The following TCF12 variants were observed in gnomAD, a reference collection of about 807,000 sequenced individuals.
The protein encoded by TCF12 is DNA-binding protein HTF4.
TCF12 carries 45 observed loss-of-function variants against 86.0 expected under a neutral mutation model. The ratio of observed to expected loss-of-function variants is 0.52; its 90% CI spans 0.41 to 0.67. TCF12 has a LOEUF of 0.67. TCF12 is among the 30% of genes least tolerant of loss of function. TCF12 has a pLI of 0.00. For missense variants in TCF12, 881 were observed against 859.9 expected (o/e 1.02, Z -0.31); for synonymous variants, 330 against 299.6 (o/e 1.10, Z -1.05).
intron 6 of TCF12, among the ~76,000 whole-genome samples, chr15:57,182,235 G>A (rs984850703): frequency 1.4e-4 from 22 of 151,918 alleles, no homozygotes; most frequent in African/African-American, 5.1e-4. Flanking sequence ...TTTTATTTTA[G>A]GAGAAGAAAA....
rs779513994 is a variant in TCF12, at chr15:57,166,447, C to G, written c.371C>G (p.Thr124Ser). Reference sequence around the variant, plus strand: ...TCATTTTCCCTGTACAGCAGAGATACTGGATTACCAGGCTGTCAAGTAAGT... The same window carrying G: ...TCATTTTCCCTGTACAGCAGAGATAGTGGATTACCAGGCTGTCAAGTAAGT... ...RGSFSLYSRD[T>S]GLPGCQSSLL... is the part of the protein sequence containing the mutation. Residue 124 changes from threonine to serine, a missense_variant, in exon 6 of 21, where the codon ACT (threonine) becomes AGT (serine). Thr to Ser is a moderately conservative substitution (Grantham distance 58). Around this residue, in one of 3 missense-constraint regions of TCF12, gnomAD observed 766 missense variants for 718.9 expected, o/e 1.07. Transcript: ENST00000333725. 1.9e-6 allele frequency: 3 copies of G among 1,612,090 alleles called. No homozygotes were observed. Among genetic ancestry groups the G allele is most frequent in the Non-Finnish European group, 1.7e-6 (2 of 1,179,292 alleles).
At chr15:56,993,208 G>A (rs1156963993) in intron 3 of TCF12, among the ~76,000 whole-genome samples, 1 of 152,140 alleles carries the variant, frequency 6.6e-6, no homozygotes, top group Admixed American at 6.5e-5. Context: ...CAAGGAACAG[G>A]AAAGATAACT....
chr15:57,291,070 T>C (rs2062065233), downstream of TCF12: 2 of 152,222 alleles, frequency 1.3e-5, no homozygotes, highest in Non-Finnish European at 2.9e-5. Context: ...TCTTTGGCTC[T>C]GGTGTGGGCT....
chr15:56,926,682 A>G (rs2060030231), intron 3 of TCF12, among the ~76,000 whole-genome samples: 1 of 152,200 alleles, frequency 6.6e-6, no homozygotes, highest in East Asian at 1.9e-4. Context: ...GGGGGAGCTC[A>G]TATTTACATA....
intron 8 of TCF12, among the ~76,000 whole-genome samples, chr15:57,230,379 A>G (rs1212108034): frequency 6.6e-6 from 1 of 151,872 alleles, no homozygotes; most frequent in East Asian, 1.9e-4. Context: ...CTTTGTTTCA[A>G]TAGTTATGAG....
intron 3 of TCF12, among the ~76,000 whole-genome samples, chr15:57,038,577 T>TA (rs1413459412): frequency 3.6e-4 from 55 of 152,290 alleles, no homozygotes; most frequent in African/African-American, 1.2e-3. Context: ...AGCCTGAAAA[T>TA]ACGCTTTTCA....
intron 20 of TCF12, among the ~76,000 whole-genome samples, chr15:57,285,499 C>A (rs1051285757): frequency 2.6e-5 from 4 of 152,040 alleles, no homozygotes; most frequent in African/African-American, 4.8e-5. Context: ...GGAACTGGGA[C>A]CAATATGAAA....
intron 3 of TCF12, among the ~76,000 whole-genome samples, chr15:56,974,751 G>A (rs917984482): frequency 6.6e-5 from 10 of 152,012 alleles, no homozygotes; most frequent in Non-Finnish European, 1.5e-4. Context: ...GGCAGAGTTA[G>A]GATTCCAGCC....
chr15:57,001,416 T>A (rs1449283303), intron 3 of TCF12: 1 of 179,412 alleles, frequency 5.6e-6, no homozygotes. Context: ...GACGTTCTTC[T>A]ACTTACACCA....
intron 4 of TCF12, 99 bp from the exon 5 acceptor site, chr15:57,091,690 A>G (rs1417201041): frequency 5.9e-6 from 4 of 680,966 alleles, no homozygotes; most frequent in Admixed American, 2.5e-5. Context: ...AGAAATGACC[A>G]TGTGTAAGTC....
At chr15:56,987,859 C>T (rs1261384106) in intron 3 of TCF12, among the ~76,000 whole-genome samples, 1 of 152,072 alleles carries the variant, frequency 6.6e-6, no homozygotes. Context: ...TCAAGATAAA[C>T]TCAGGAAATA....
chr15:57,124,850 T>C (rs1442169019), intron 5 of TCF12, among the ~76,000 whole-genome samples: 1 of 140,284 alleles, frequency 7.1e-6, no homozygotes, highest in Non-Finnish European at 1.5e-5. Context: ...GCTAACTTTT[T>C]TTTTGTATTT....
intron 12 of TCF12, among the ~76,000 whole-genome samples, chr15:57,242,797 C>A (rs765743854): frequency 6.6e-6 from 1 of 152,058 alleles, no homozygotes; most frequent in African/African-American, 2.4e-5. Context: ...TTTATGCATC[C>A]GATAATTTAT....
intron 5 of TCF12, among the ~76,000 whole-genome samples, chr15:57,093,994 C>T (rs2049157357): frequency 6.6e-6 from 1 of 152,160 alleles, no homozygotes; most frequent in Non-Finnish European, 1.5e-5. Context: ...TGACTCACTA[C>T]AGCCTTGAAC....
intron 3 of TCF12, among the ~76,000 whole-genome samples, chr15:56,924,145 T>C (rs1199303689): frequency 6.6e-6 from 1 of 152,156 alleles, no homozygotes; most frequent in Non-Finnish European, 1.5e-5. Context: ...AGTTGTAGAT[T>C]CATATGCAGT....
chr15:57,205,644 C>T (rs1444464244), intron 8 of TCF12, among the ~76,000 whole-genome samples: 3 of 152,202 alleles, frequency 2.0e-5, no homozygotes, highest in Admixed American at 2.0e-4. Flanking sequence ...ATGTAAAGTA[C>T]GTAAGTGGAT....
chr15:57,169,047 AAAAT>A (rs1211474799), intron 6 of TCF12, among the ~76,000 whole-genome samples: 12 of 152,138 alleles, frequency 7.9e-5, no homozygotes, highest in South Asian at 2.1e-4. Context: ...TTCTGTCTCA[AAAAT>A]AAATAAATAA....
intron 3 of TCF12, among the ~76,000 whole-genome samples, chr15:57,007,645 A>G (rs1356404222): frequency 6.5e-5 from 1 of 15,484 alleles, no homozygotes; most frequent in Admixed American, 1.2e-3. Context: ...CCAGCTTTCC[A>G]GTGATTTTTT....
intron 6 of TCF12, among the ~76,000 whole-genome samples, chr15:57,177,592 A>T (rs962195925): frequency 1.4e-5 from 1 of 70,640 alleles, no homozygotes; most frequent in Admixed American, 1.5e-4. Context: ...TTAATGTCCT[A>T]TTTTTGTTAA....
Sources: gnomAD v4.1 joint callset for allele counts (sites outside exome capture counted in the v4.1 genomes callset) on GRCh38, gnomAD v4.1.1 for gene constraint, gnomAD v4.1.1 regional missense constraint, MANE v1.5 for transcripts, NCBI Gene and HGNC (gene_info 2026-07-23, HGNC 2026-07-21) for gene names.